SEC24D: variants seen among roughly 807,000 people sequenced by gnomAD.
SEC24D encodes the protein protein transport protein Sec24D.
SEC24D carries 69 observed loss-of-function variants against 116.9 expected under a neutral mutation model. The observed-to-expected ratio is 0.59, with a 90% CI of 0.49 to 0.72. The LOEUF (loss-of-function observed/expected upper bound fraction) is 0.72. Ranked by LOEUF, SEC24D falls within the 30% of genes least tolerant of loss-of-function variation. The probability of loss-of-function intolerance (pLI) is 0.00; values close to 1 mark genes in which losing one functional copy is unlikely to be tolerated. For synonymous variants in SEC24D, 405 were observed against 442.8 expected, an observed-to-expected ratio of 0.91 and a Z score of 1.07; for missense variants, 1,131 against 1,264.1, an observed-to-expected ratio of 0.89 and a Z score of 1.60.
chr4:118,743,955 G>C (rs1225840390), intron 15 of SEC24D, 33 bp downstream of exon 15: 1 of 1,561,070 alleles, frequency 6.4e-7, no homozygotes. Flanking sequence ...AATGGGAGTA[G>C]AAGACCAAGG....
At chr4:118,723,737 T>C (rs764697298) in intron 22 of SEC24D, 82 bp from the exon 23 acceptor site, 47 of 1,465,448 alleles carry the variant, frequency 3.2e-5, no homozygotes, top group Non-Finnish European at 3.8e-5. Context: ...TATTTCAATT[T>C]TGGCAAACAT....
At chr4:118,816,087 C>CCT (rs1282434241) in intron 4 of SEC24D, among the ~76,000 whole-genome samples, 1 of 116,018 alleles carries the variant, frequency 8.6e-6, no homozygotes. Flanking sequence ...ACGCCAAGTT[C>CCT]ATTTTTTTTT....
At chr4:118,820,422 G>T (rs548208327) in intron 3 of SEC24D, among the ~76,000 whole-genome samples, 2 of 152,012 alleles carry the variant, frequency 1.3e-5, no homozygotes, top group Non-Finnish European at 2.9e-5. Context: ...CTCGTGATCC[G>T]CCCGCCTTGG....
intron 8 of SEC24D, among the ~76,000 whole-genome samples, chr4:118,777,365 G>A (rs1178000972): frequency 1.3e-5 from 2 of 152,160 alleles, no homozygotes; most frequent in Non-Finnish European, 2.9e-5. Flanking sequence ...AACATGTGGT[G>A]TTTGGTTTTC....
At chr4:118,741,504 A>G (rs1215791786) in intron 15 of SEC24D, among the ~76,000 whole-genome samples, 2 of 152,174 alleles carry the variant, frequency 1.3e-5, no homozygotes, top group Non-Finnish European at 2.9e-5. Context: ...CTCTACGATC[A>G]CCGTATTTCT....
rs1725525119 is a variant in SEC24D at position 118,728,572 on chromosome 4, A to G, written c.2947T>C (p.Tyr983His). The G allele has an allele frequency of 6.3e-6, 10 of 1,596,852 alleles. No individual in the cohort carries two copies. The East Asian group carries it at 1.3e-4, about 21-fold the overall frequency. Reference sequence around the variant, plus strand: ...AATTGCTTTCTTACCTTCATTGAATATGGCCTCTTTTGTTGGATAATACCC... The same window carrying G: ...AATTGCTTTCTTACCTTCATTGAATGTGGCCTCTTTTGTTGGATAATACCC... ...IMGIIQQKRP[Y>H]SMKLTIVKQR... is the part of the protein sequence containing the mutation. Residue 983 changes from tyrosine to histidine, a missense_variant, in exon 22 of 23, where the codon TAT (tyrosine) becomes CAT (histidine). Transcript: ENST00000280551.
At chr4:118,816,440 C>T (rs932506693) in intron 4 of SEC24D, among the ~76,000 whole-genome samples, 6 of 152,078 alleles carry the variant, frequency 3.9e-5, no homozygotes, top group African/African-American at 1.2e-4. Context: ...GCATCCTGTG[C>T]GTGACTTGAC....
chr4:118,752,972 C>G, intron 11 of SEC24D, 84 bp from the exon 12 acceptor site: 1 of 988,850 alleles, frequency 1.0e-6, no homozygotes, highest in Non-Finnish European at 1.5e-6. Context: ...GTAAGTGTGT[C>G]TTCTATAAAA....
chr4:118,816,445 C>T (rs1477029201), intron 4 of SEC24D, among the ~76,000 whole-genome samples: 2 of 152,114 alleles, frequency 1.3e-5, no homozygotes, highest in Non-Finnish European at 2.9e-5. Context: ...CTGTGCGTGA[C>T]TTGACCAAAC....
Position 118,757,853 on chromosome 4 carries a change from A to G in SEC24D, c.1297-8T>C, listed in dbSNP as rs746562020. ...GTTGGGAGGCTTACTCTTCTATAGGAAAGCAAACACATCACATAAATAAAG... is the reference window on the plus strand; with the variant it reads ...GTTGGGAGGCTTACTCTTCTATAGGGAAGCAAACACATCACATAAATAAAG... On this transcript the variant is annotated splice_region_variant and splice_polypyrimidine_tract_variant and intron_variant, in intron 10 of 22. Coordinates refer to ENST00000280551, the MANE Select transcript of SEC24D (RefSeq NM_014822.4). 5 of 1,593,670 alleles carry G rather than the reference A, an allele frequency of 3.1e-6. No individual in the cohort carries two copies. The African/African-American group carries it at 4.1e-5, about 13-fold the overall frequency.
intron 22 of SEC24D, among the ~76,000 whole-genome samples, chr4:118,726,624 A>G (rs1020980779): frequency 6.6e-6 from 1 of 152,186 alleles, no homozygotes; most frequent in African/African-American, 2.4e-5. Context: ...TAAACTGGAA[A>G]AGGGCCAATG....
chr4:118,827,289 T>C (rs1730628661), intron 2 of SEC24D, among the ~76,000 whole-genome samples: 1 of 152,184 alleles, frequency 6.6e-6, no homozygotes, highest in Non-Finnish European at 1.5e-5. Flanking sequence ...ATCACTGATA[T>C]CTGCAAAGTC....
intron 8 of SEC24D, among the ~76,000 whole-genome samples, chr4:118,772,869 G>A (rs1249234455): frequency 6.6e-6 from 1 of 152,104 alleles, no homozygotes; most frequent in African/African-American, 2.4e-5. Context: ...AGACAGAGTA[G>A]CCAAAGCCCA....
At chr4:118,798,570 C>T (rs1230102675) in intron 7 of SEC24D, among the ~76,000 whole-genome samples, 1 of 152,174 alleles carries the variant, frequency 6.6e-6, no homozygotes, top group Non-Finnish European at 1.5e-5. Flanking sequence ...ATGTCTAAGA[C>T]ATTTCAGGCC....
At chr4:118,817,109 T>C (rs1730181126) in intron 4 of SEC24D, among the ~76,000 whole-genome samples, 155 bp downstream of exon 4, 1 of 152,204 alleles carries the variant, frequency 6.6e-6, no homozygotes, top group South Asian at 2.1e-4. Flanking sequence ...ACTATAGCCA[T>C]ACATAAGATA....
At chr4:118,825,565 T>G (rs1264557508) in intron 2 of SEC24D, 1 of 456,272 alleles carries the variant, frequency 2.2e-6, no homozygotes. Flanking sequence ...TGGTTACTTA[T>G]TAGTTGTATG....
At chr4:118,760,668 A>G (rs1475580532) in intron 10 of SEC24D, 1 of 152,090 alleles carries the variant, frequency 6.6e-6, no homozygotes, top group African/African-American at 2.4e-5. Flanking sequence ...TATTTTGGGT[A>G]TATACCCAGA....
In SEC24D at chr4:118,752,686, T is replaced by G. The variant is rs2110457151; in HGVS notation, c.1613+11A>C. ...GATTTACTTTTAAATTATAAAACAC[T>G]TGATATTTACTTATGAATCACAGAT... On this transcript the variant is annotated intron_variant, in intron 12 of 22. Coordinates refer to ENST00000280551, the MANE Select transcript of SEC24D (RefSeq NM_014822.4). 6.3e-7 allele frequency: 1 copy of G among 1,574,912 alleles called. No individual in the cohort carries two copies. Among genetic ancestry groups the G allele is most frequent in the Non-Finnish European group, 8.6e-7 (1 of 1,157,548 alleles).
intron 3 of SEC24D, among the ~76,000 whole-genome samples, chr4:118,821,741 C>T (rs145523758): frequency 4.6e-4 from 70 of 152,340 alleles, no homozygotes; most frequent in African/African-American, 1.5e-3. Flanking sequence ...TTGACAGCCT[C>T]TGTCATCAGA....
Sources: allele counts gnomAD v4.1 joint callset (sites outside exome capture counted in the v4.1 genomes callset), GRCh38; gene constraint gnomAD v4.1.1; transcripts MANE v1.5; gene names NCBI Gene and HGNC (gene_info 2026-07-23, HGNC 2026-07-21).